The following CCDC192 variants were observed in gnomAD, a reference collection of about 807,000 sequenced individuals.
The protein encoded by CCDC192 is coiled-coil domain-containing protein 192.
At chr5:127,805,751 T>C (rs527593092) in intron 5 of CCDC192, among the ~76,000 whole-genome samples, 66 of 152,240 alleles carry the variant, frequency 4.3e-4, no homozygotes, top group Non-Finnish European at 7.6e-4. Context: ...GTGTTCATTA[T>C]ATTAAAATGA....
chr5:127,926,688 A>C (rs1753871790), intron 6 of CCDC192, among the ~76,000 whole-genome samples: 1 of 152,188 alleles, frequency 6.6e-6, no homozygotes, highest in Admixed American at 6.5e-5. Context: ...ATTATATCTG[A>C]GGTGCTTATA....
At chr5:127,709,191 T>G (rs868077574) in intron 2 of CCDC192, among the ~76,000 whole-genome samples, 7,819 of 30,994 alleles carry the variant, frequency 0.25, 1 homozygote, top group Middle Eastern at 0.33. Context: ...GGGAGAGAGG[T>G]GGAGAGAGGG....
chr5:127,873,647 T>C (rs1468055541), intron 5 of CCDC192, among the ~76,000 whole-genome samples: 1 of 152,192 alleles, frequency 6.6e-6, no homozygotes, highest in African/African-American at 2.4e-5. Flanking sequence ...CTCTCCACTT[T>C]CTCAATTTTC....
intron 3 of CCDC192, among the ~76,000 whole-genome samples, chr5:127,759,480 A>T (rs1210472287): frequency 7.4e-6 from 1 of 135,402 alleles, no homozygotes; most frequent in African/African-American, 3.0e-5. Flanking sequence ...TGAACCAGGA[A>T]GCAGACCCTC....
intron 6 of CCDC192, among the ~76,000 whole-genome samples, chr5:127,900,782 A>G (rs1353896779): frequency 6.6e-6 from 1 of 152,238 alleles, no homozygotes; most frequent in Non-Finnish European, 1.5e-5. Context: ...TAAGGGGGAT[A>G]TGGCAAACTC....
At chr5:127,925,715 A>G (rs1039545761) in intron 6 of CCDC192, among the ~76,000 whole-genome samples, 16 of 152,184 alleles carry the variant, frequency 1.1e-4, no homozygotes, top group Non-Finnish European at 1.0e-4. Context: ...TCCCACGTCG[A>G]CATTATTTTT....
chr5:127,806,194 A>G (rs1757771482), intron 5 of CCDC192, among the ~76,000 whole-genome samples: 1 of 152,176 alleles, frequency 6.6e-6, no homozygotes, highest in Non-Finnish European at 1.5e-5. Flanking sequence ...TTGCTCTAGA[A>G]GCCACTAATT....
intron 6 of CCDC192, among the ~76,000 whole-genome samples, chr5:127,937,977 C>T (rs7730588): frequency 6.6e-6 from 1 of 152,180 alleles, no homozygotes; most frequent in Non-Finnish European, 1.5e-5. Context: ...CAGACAGGCA[C>T]AGTGAGGTTC....
chr5:127,754,496 C>G, intron 3 of CCDC192, 121 bp downstream of exon 3: 1 of 212,716 alleles, frequency 4.7e-6, no homozygotes. Context: ...CACACACATA[C>G]ACACACACAC....
intron 6 of CCDC192, among the ~76,000 whole-genome samples, chr5:127,881,262 A>T (rs1293816248): frequency 1.3e-5 from 2 of 152,208 alleles, no homozygotes; most frequent in African/African-American, 4.8e-5. Context: ...TGTAACAATT[A>T]TATGGCAAGA....
chr5:127,834,756 G>A (rs960835626), intron 5 of CCDC192, among the ~76,000 whole-genome samples: 7 of 152,228 alleles, frequency 4.6e-5, no homozygotes, highest in Non-Finnish European at 7.4e-5. Flanking sequence ...ACTCTCTAGC[G>A]AATAGTAAAA....
chr5:127,708,194 A>C (rs1246549149), intron 2 of CCDC192, among the ~76,000 whole-genome samples: 1 of 152,214 alleles, frequency 6.6e-6, no homozygotes, highest in Non-Finnish European at 1.5e-5. Context: ...ATCACAGTCT[A>C]TTCCAGATAC....
intron 6 of CCDC192, among the ~76,000 whole-genome samples, chr5:127,904,750 C>T (rs1387385920): frequency 2.0e-5 from 3 of 152,096 alleles, no homozygotes; most frequent in Non-Finnish European, 4.4e-5. Flanking sequence ...GATCTGCCTG[C>T]CTCAGCCTCC....
chr5:127,822,462 T>TA (rs954073633), intron 5 of CCDC192, among the ~76,000 whole-genome samples: 2 of 151,742 alleles, frequency 1.3e-5, no homozygotes, highest in Admixed American at 6.6e-5. Context: ...CTAGTGGGGT[T>TA]AAAAAAAAGA....
chr5:127,842,252 C>T lies in CCDC192; in HGVS notation c.412-33286C>T, dbSNP rs142701579. On this transcript the variant is annotated intron_variant, in intron 5 of 6. Coordinates refer to ENST00000514853, the MANE Select transcript of CCDC192 (RefSeq NM_001317938.2). ...TTTTCTAGAGACAGGTCTCACTTTGCGGCTTAGCTTGGAGTACAGCAGTAC... is the reference window on the plus strand; with the variant it reads ...TTTTCTAGAGACAGGTCTCACTTTGTGGCTTAGCTTGGAGTACAGCAGTAC... Among the ~76,000 whole-genome samples, 6 of 152,294 alleles carry T rather than the reference C, an allele frequency of 3.9e-5. No homozygotes were observed. The East Asian group carries it at 7.7e-4, about 20-fold the overall frequency.
chr5:127,874,177 G>T (rs1206273516), intron 5 of CCDC192, among the ~76,000 whole-genome samples: 1 of 152,144 alleles, frequency 6.6e-6, no homozygotes, highest in Non-Finnish European at 1.5e-5. Context: ...CTGTGTTGTG[G>T]CTCACGGTAC....
chr5:127,932,153 C>CAA (rs571133232), intron 6 of CCDC192, among the ~76,000 whole-genome samples: 6,579 of 72,104 alleles, frequency 0.091, 374 homozygotes, highest in East Asian at 0.35. Context: ...GACTCCGTCT[C>CAA]AAAAAAAAAA....
At chr5:127,751,240 C>T (rs933163326) in intron 2 of CCDC192, among the ~76,000 whole-genome samples, 14 of 152,106 alleles carry the variant, frequency 9.2e-5, no homozygotes, top group African/African-American at 2.9e-4. Context: ...CATGATTTTG[C>T]AGCAGCTGGT....
At chr5:127,775,265 C>T (rs1286239504) in intron 3 of CCDC192, among the ~76,000 whole-genome samples, 1 of 152,228 alleles carries the variant, frequency 6.6e-6, no homozygotes, top group Non-Finnish European at 1.5e-5. Context: ...GGTTCTCAAG[C>T]TCAGGGCCAC....
Sources: gnomAD v4.1 joint callset for allele counts (sites outside exome capture counted in the v4.1 genomes callset) on GRCh38, gnomAD v4.1.1 for gene constraint, MANE v1.5 for transcripts, NCBI Gene and HGNC (gene_info 2026-07-23, HGNC 2026-07-21) for gene names.